The following NCKAP1 variants were observed in gnomAD, a reference collection of about 807,000 sequenced individuals.
NCKAP1 encodes nck-associated protein 1.
Under a neutral mutation model 151.2 loss-of-function variants are expected in NCKAP1, and 21 were observed. The ratio of observed to expected loss-of-function variants is 0.14; its 90% CI spans 0.10 to 0.20. NCKAP1 has a LOEUF of 0.20. Ranked by LOEUF, NCKAP1 falls within the 10% of genes least tolerant of loss-of-function variation. The probability of loss-of-function intolerance (pLI) is 1.00; values close to 1 mark genes in which losing one functional copy is unlikely to be tolerated. For missense variants in NCKAP1, 933 were observed against 1,352.1 expected (o/e 0.69, Z 4.86); for synonymous variants, 484 against 451.8 (o/e 1.07, Z -0.90).
chr2:182,967,528 C>T (rs563541250), intron 15 of NCKAP1, among the ~76,000 whole-genome samples, 167 bp from the exon 16 acceptor site: 2 of 152,216 alleles, frequency 1.3e-5, no homozygotes, highest in East Asian at 1.9e-4. Context: ...CCTTGAAATT[C>T]CTATCAAGAA....
At position 182,922,478 on chromosome 2, in the gene NCKAP1, C is replaced by T. The variant is rs1301198446; in HGVS notation, c.*3224G>A. 2 of 152,364 alleles carry T rather than the reference C, an allele frequency of 1.3e-5. No homozygotes were observed. Among genetic ancestry groups the T allele is most frequent in the East Asian group, 3.9e-4 (2 of 5,178 alleles). The allele number at this position is 152,364 out of a possible 1,614,324, so 9.4% of individuals were successfully genotyped here. A position where few individuals can be genotyped will look rare whatever the true frequency, so the allele number is the denominator to read the frequency against. ...TCCTAGAGGGAACTTGAGCACTCCT[C>T]ATGACAGAGACACAGATGACACACT... On this transcript the variant is annotated 3_prime_UTR_variant, in exon 31 of 31. Coordinates refer to ENST00000361354, the MANE Select transcript of NCKAP1 (RefSeq NM_013436.5).
chr2:182,976,479 C>T (rs1166459679), intron 15 of NCKAP1, among the ~76,000 whole-genome samples: 3 of 152,202 alleles, frequency 2.0e-5, no homozygotes, highest in Non-Finnish European at 2.9e-5. Flanking sequence ...TGGCAGAGTG[C>T]AATCATGATG....
intron 20 of NCKAP1, 149 bp from the exon 21 acceptor site, chr2:182,953,480 T>C (rs1351167785): frequency 1.5e-5 from 9 of 599,186 alleles, no homozygotes; most frequent in South Asian, 1.2e-4. Flanking sequence ...ATTACTGTCA[T>C]TATCTTCCCA....
chr2:183,003,059 T>C, intron 3 of NCKAP1, 29 bp from the exon 4 acceptor site: 2 of 1,573,468 alleles, frequency 1.3e-6, no homozygotes, highest in Non-Finnish European at 1.7e-6. Flanking sequence ...TTTAATCTTT[T>C]ATCTGTATAA....
intron 2 of NCKAP1, among the ~76,000 whole-genome samples, chr2:183,015,066 A>C (rs1369439631): frequency 6.6e-6 from 1 of 152,242 alleles, no homozygotes; most frequent in Non-Finnish European, 1.5e-5. Context: ...CCCCAGTGTA[A>C]TGCTCATTGG....
intron 1 of NCKAP1, among the ~76,000 whole-genome samples, chr2:183,033,375 T>C (rs1699042657): frequency 6.6e-6 from 1 of 152,220 alleles, no homozygotes; most frequent in Non-Finnish European, 1.5e-5. Flanking sequence ...CTATTCATAC[T>C]TCAAAACCAA....
intron 9 of NCKAP1, 38 bp downstream of exon 9, chr2:182,988,992 C>A: frequency 6.3e-7 from 1 of 1,577,794 alleles, no homozygotes; most frequent in South Asian, 1.2e-5. Flanking sequence ...ACTCACCACC[C>A]TTCTCCAAAA....
Position 182,910,250 on chromosome 2 carries a change from T to C in NCKAP1, c.*15452A>G, listed in dbSNP as rs1696366174. ...AAGTAAACCTGCTGTGGGACAACCC[T>C]TGCCACCCCACTCAAGCTACAGTTT... is the stretch of plus-strand genomic sequence containing the variant. On this transcript the variant is annotated 3_prime_UTR_variant, in exon 31 of 31. Transcript: ENST00000361354. 6.6e-6 allele frequency: 1 copy of C among 152,186 alleles called. No homozygotes were observed. Among genetic ancestry groups the C allele is most frequent in the Non-Finnish European group, 1.5e-5 (1 of 68,028 alleles). 9.4% of individuals were successfully genotyped at this position (152,186 alleles called of 1,614,324 possible).
At chr2:182,984,648 T>C (rs532050953) in intron 10 of NCKAP1, among the ~76,000 whole-genome samples, 12 of 150,834 alleles carry the variant, frequency 8.0e-5, no homozygotes, top group South Asian at 4.2e-4. Context: ...CAATCTTTCA[T>C]GATGCCTGAT....
intron 26 of NCKAP1, chr2:182,934,512 AT>A: frequency 3.9e-6 from 1 of 258,188 alleles, no homozygotes; most frequent in South Asian, 1.1e-4. Context: ...GAAAAAAAAA[AT>A]CTATTTTTAG....
At chr2:182,981,439 C>A in intron 12 of NCKAP1, 63 bp from the exon 13 acceptor site, 1 of 1,272,794 alleles carries the variant, frequency 7.9e-7, no homozygotes, top group South Asian at 1.3e-5. Context: ...AGAATATATT[C>A]GATGCCCTTA....
At chr2:182,937,044 G>T (rs1696889988) in intron 24 of NCKAP1, among the ~76,000 whole-genome samples, 1 of 142,884 alleles carries the variant, frequency 7.0e-6, no homozygotes, top group Admixed American at 7.7e-5. Context: ...GAACCCAGGA[G>T]GCGGAGGCTG....
intron 14 of NCKAP1, among the ~76,000 whole-genome samples, chr2:182,978,162 C>T (rs979851003): frequency 1.3e-5 from 2 of 152,056 alleles, no homozygotes; most frequent in Non-Finnish European, 2.9e-5. Flanking sequence ...GATGTGGTAG[C>T]AATAAAGATT....
intron 21 of NCKAP1, 82 bp downstream of exon 21, chr2:182,953,031 A>G: frequency 2.0e-6 from 3 of 1,477,496 alleles, no homozygotes; most frequent in East Asian, 2.3e-5. Context: ...ATGAATAAGT[A>G]CTTATTCACA....
chr2:183,023,114 A>G (rs1032710311), intron 2 of NCKAP1: 2 of 152,182 alleles, frequency 1.3e-5, no homozygotes, highest in Non-Finnish European at 2.9e-5. Flanking sequence ...TAAAAAGAGA[A>G]GACAGGCAGA....
chr2:183,021,759 C>T (rs891144388), intron 2 of NCKAP1, among the ~76,000 whole-genome samples: 1 of 152,080 alleles, frequency 6.6e-6, no homozygotes, highest in Non-Finnish European at 1.5e-5. Context: ...AGAAAAAGTA[C>T]ATCAGTGGTT....
intron 2 of NCKAP1, among the ~76,000 whole-genome samples, chr2:183,011,511 A>G (rs935979290): frequency 2.6e-5 from 4 of 152,178 alleles, no homozygotes; most frequent in Admixed American, 6.5e-5. Context: ...CCTTTTCTAG[A>G]CATTTCCTAT....
chr2:182,934,957 G>A lies in NCKAP1; in HGVS notation c.2779-125C>T, dbSNP rs570670102. On this transcript the variant is annotated intron_variant, in intron 25 of 30. Transcript: ENST00000361354. ...TTATTTTACTTTATCTACTTTCAGT[G>A]ATTTTTCAAAAATTTCAAGACATAT... The A allele has an allele frequency of 5.1e-4, 285 of 563,968 alleles. 2 individuals are homozygous for A. The African/African-American group carries it at 5.2e-3, about 10-fold the overall frequency. 34.9% of individuals were successfully genotyped at this position (563,968 alleles called of 1,614,324 possible). A position where few individuals can be genotyped will look rare whatever the true frequency, so the allele number is the denominator to read the frequency against.
chr2:182,980,684 A>G (rs982620376), intron 13 of NCKAP1, among the ~76,000 whole-genome samples: 1 of 152,330 alleles, frequency 6.6e-6, no homozygotes, highest in African/African-American at 2.4e-5. Flanking sequence ...ATCTTTATTT[A>G]CTGGCCATCC....
Sources: allele counts gnomAD v4.1 joint callset (sites outside exome capture counted in the v4.1 genomes callset), GRCh38; gene constraint gnomAD v4.1.1; transcripts MANE v1.5; gene names NCBI Gene and HGNC (gene_info 2026-07-23, HGNC 2026-07-21).